UBE3A: variants seen among roughly 807,000 people sequenced by gnomAD.
UBE3A encodes ubiquitin protein ligase E3A.
UBE3A carries 6 observed loss-of-function variants against 83.4 expected under a neutral mutation model. The ratio of observed to expected loss-of-function variants is 0.07; its 90% CI spans 0.04 to 0.14. The LOEUF (loss-of-function observed/expected upper bound fraction) is 0.14, where lower values mean the gene tolerates loss of function less well. UBE3A is among the 10% of genes least tolerant of loss of function. The pLI is 1.00. For missense variants in UBE3A, 456 were observed against 1,036.1 expected (o/e 0.44, Z 7.69); for synonymous variants, 337 against 355.4 (o/e 0.95, Z 0.58).
Position 25,339,173 on chromosome 15 carries a change from C to G in UBE3A, c.2583G>C (p.Lys861Asn). ...SKEKLKERLL[K>N]AITYAKGFGM... Reference sequence around the variant, plus strand: ...CAAATCCTTTGGCATACGTGATGGCCTTCAACAATCTCTCTTTAAGTTTTT... The same window carrying G: ...CAAATCCTTTGGCATACGTGATGGCGTTCAACAATCTCTCTTTAAGTTTTT... The change falls in exon 13 of 13, where the codon AAG (lysine) becomes AAC (asparagine). Residue 861 changes from lysine (K) to asparagine (N), a missense_variant. Physicochemically the swap from Lys to Asn is moderately conservative, Grantham distance 94. This residue lies in a region of UBE3A where 8 missense variants were observed against 23.2 expected (regional missense o/e 0.34). Coordinates refer to ENST00000648336, the MANE Select transcript of UBE3A (RefSeq NM_130839.5). 1 of 1,609,966 alleles carries G rather than the reference C, an allele frequency of 6.2e-7. No homozygotes were observed. Among genetic ancestry groups the G allele is most frequent in the Non-Finnish European group, 8.5e-7 (1 of 1,178,592 alleles).
intron 4 of UBE3A, among the ~76,000 whole-genome samples, chr15:25,401,038 C>G (rs2086956776): frequency 6.6e-6 from 1 of 152,012 alleles, no homozygotes; most frequent in African/African-American, 2.4e-5. Context: ...AATGCTTTTT[C>G]TCAATTATCT....
intron 11 of UBE3A, among the ~76,000 whole-genome samples, chr15:25,352,936 T>C (rs1001187228): frequency 9.2e-5 from 14 of 152,222 alleles, no homozygotes; most frequent in Non-Finnish European, 1.8e-4. Flanking sequence ...ATTATGTTGT[T>C]ATAAAAAGCT....
intron 11 of UBE3A, among the ~76,000 whole-genome samples, chr15:25,353,371 T>C (rs1359248940): frequency 5.9e-5 from 9 of 152,176 alleles, no homozygotes; most frequent in African/African-American, 1.7e-4. Flanking sequence ...GTGACAGGGA[T>C]TGGTTCCAGG....
At chr15:25,374,671 A>G (rs955211626) in intron 5 of UBE3A, 11 of 152,218 alleles carry the variant, frequency 7.2e-5, no homozygotes, top group African/African-American at 2.7e-4. Context: ...TTTTAGAGGC[A>G]AATGCCTCTA....
At chr15:25,362,594 A>C (rs1313568444) in intron 6 of UBE3A, among the ~76,000 whole-genome samples, 1 of 152,250 alleles carries the variant, frequency 6.6e-6, no homozygotes, top group African/African-American at 2.4e-5. Flanking sequence ...GATATAGACT[A>C]GTTCCAAGAT....
chr15:25,355,768 A>G (rs1213720728), intron 9 of UBE3A, 124 bp downstream of exon 9: 2 of 1,008,050 alleles, frequency 2.0e-6, no homozygotes, highest in Non-Finnish European at 2.9e-6. Context: ...TAGCATTTAC[A>G]TAAACTTAGT....
chr15:25,356,603 C>G, intron 8 of UBE3A, 88 bp downstream of exon 8: 1 of 1,352,136 alleles, frequency 7.4e-7, no homozygotes, highest in African/African-American at 1.5e-5. Flanking sequence ...AGATTCTAAA[C>G]AAAAACTTTA....
At chr15:25,359,452 TGTGTG>T in intron 7 of UBE3A, among the ~76,000 whole-genome samples, 1 of 150,072 alleles carries the variant, frequency 6.7e-6, no homozygotes, top group African/African-American at 2.5e-5. Flanking sequence ...TGTGTGTGTG[TGTGTG>T]TGTGTGACTA....
chr15:25,348,283 TGAAG>T (rs890744676), intron 11 of UBE3A, among the ~76,000 whole-genome samples: 1 of 152,044 alleles, frequency 6.6e-6, no homozygotes, highest in Admixed American at 6.5e-5. Flanking sequence ...AACAATTCAA[TGAAG>T]GAAGAACATA....
chr15:25,375,778 CA>C lies in UBE3A; in HGVS notation c.63-16del. ...CTGCTCGCTTCCTGTACCAAACATT[CA>C]AACAATAAGCACAGTGATTAGTACA... On this transcript the variant is annotated splice_polypyrimidine_tract_variant and intron_variant, in intron 4 of 12. Coordinates refer to ENST00000648336, the MANE Select transcript of UBE3A (RefSeq NM_130839.5). 2 of 1,605,966 alleles carry C rather than the reference CA, an allele frequency of 1.2e-6. No homozygotes were observed. The highest frequency in any genetic ancestry group is 1.7e-6 in the Non-Finnish European group (2 of 1,179,960).
chr15:25,384,418 G>C (rs546256015), intron 4 of UBE3A, among the ~76,000 whole-genome samples: 1 of 144,344 alleles, frequency 6.9e-6, no homozygotes, highest in Non-Finnish European at 1.5e-5. Context: ...CCAAGATCAC[G>C]CCACTCTACT....
At chr15:25,416,394 A>G (rs918684127) in intron 1 of UBE3A, among the ~76,000 whole-genome samples, 31 of 152,316 alleles carry the variant, frequency 2.0e-4, no homozygotes, top group Middle Eastern at 3.4e-3. Context: ...TCACAAATAC[A>G]TTAAAAGAAG....
chr15:25,380,031 C>A (rs1424753710), intron 4 of UBE3A, among the ~76,000 whole-genome samples: 1 of 152,052 alleles, frequency 6.6e-6, no homozygotes, highest in Non-Finnish European at 1.5e-5. Context: ...GAGTGACCCC[C>A]TGGGAGATAA....
At chr15:25,423,042 A>C (rs935653812) in intron 1 of UBE3A, among the ~76,000 whole-genome samples, 28 of 152,128 alleles carry the variant, frequency 1.8e-4, no homozygotes, top group African/African-American at 6.5e-4. Flanking sequence ...CTTTGTTAGC[A>C]TGCTGAAACC....
chr15:25,407,984 T>A (rs947880673), intron 3 of UBE3A: 1 of 152,250 alleles, frequency 6.6e-6, no homozygotes, highest in African/African-American at 2.4e-5. Context: ...GTCTGTAATC[T>A]CAGCACTTTG....
intron 11 of UBE3A, among the ~76,000 whole-genome samples, chr15:25,349,475 TA>T (rs61059287): frequency 0.051 from 7,759 of 152,186 alleles, 679 homozygotes; most frequent in African/African-American, 0.18. Context: ...AAAATAATCA[TA>T]AACTACTTAT....
At chr15:25,349,064 T>A (rs1285921025) in intron 11 of UBE3A, among the ~76,000 whole-genome samples, 2 of 152,254 alleles carry the variant, frequency 1.3e-5, no homozygotes, top group East Asian at 3.8e-4. Flanking sequence ...CAGTGTCATT[T>A]TGGCAAAAGG....
intron 3 of UBE3A, among the ~76,000 whole-genome samples, chr15:25,406,700 AC>A: frequency 6.6e-6 from 1 of 151,462 alleles, no homozygotes; most frequent in Non-Finnish European, 1.5e-5. Flanking sequence ...ACACACACAC[AC>A]ACACACACAC....
At chr15:25,365,530 C>A (rs192032896) in intron 6 of UBE3A, among the ~76,000 whole-genome samples, 1 of 151,626 alleles carries the variant, frequency 6.6e-6, no homozygotes, top group African/African-American at 2.4e-5. Flanking sequence ...GGGCGGATCA[C>A]GAGGTCAGGA....
Sources: gnomAD v4.1 joint callset for allele counts (sites outside exome capture counted in the v4.1 genomes callset) on GRCh38, gnomAD v4.1.1 for gene constraint, gnomAD v4.1.1 regional missense constraint, MANE v1.5 for transcripts, NCBI Gene and HGNC (gene_info 2026-07-23, HGNC 2026-07-21) for gene names.